SBF2: variants seen among roughly 807,000 people sequenced by gnomAD.
The protein encoded by SBF2 is myotubularin-related protein 13.
Under a neutral mutation model 225.2 loss-of-function variants are expected in SBF2, and 112 were observed. The observed-to-expected ratio is 0.50, with a 90% CI of 0.43 to 0.58. The LOEUF is 0.58. Ranked by LOEUF, SBF2 falls within the 20% of genes least tolerant of loss-of-function variation. SBF2 has a pLI of 0.00. For missense variants in SBF2, 1,996 were observed against 2,206.2 expected (o/e 0.90, Z 1.91); for synonymous variants, 763 against 773.3 (o/e 0.99, Z 0.22).
At chr11:10,196,239 T>C (rs1957350495) in intron 1 of SBF2, among the ~76,000 whole-genome samples, 1 of 152,228 alleles carries the variant, frequency 6.6e-6, no homozygotes, top group Non-Finnish European at 1.5e-5. Context: ...TGGTACTGAC[T>C]GAAATTGTTT....
intron 2 of SBF2, among the ~76,000 whole-genome samples, chr11:10,121,198 A>C (rs1953429457): frequency 6.6e-6 from 1 of 152,246 alleles, no homozygotes; most frequent in Non-Finnish European, 1.5e-5. Flanking sequence ...ACATCCAGTC[A>C]GAAATACGGG....
At chr11:9,905,436 C>T (rs974758090) in intron 16 of SBF2, among the ~76,000 whole-genome samples, 24 of 152,112 alleles carry the variant, frequency 1.6e-4, no homozygotes, top group African/African-American at 5.8e-4. Context: ...TCAGGATTTT[C>T]CTTTGAATAA....
At chr11:10,158,399 G>T (rs560516639) in intron 2 of SBF2, among the ~76,000 whole-genome samples, 1 of 152,152 alleles carries the variant, frequency 6.6e-6, no homozygotes, top group Admixed American at 6.5e-5. Context: ...CTAAGAGGTG[G>T]TTTTTTGAAA....
At chr11:10,173,625 G>C (rs1346134699) in intron 2 of SBF2, among the ~76,000 whole-genome samples, 3 of 152,196 alleles carry the variant, frequency 2.0e-5, no homozygotes, top group Non-Finnish European at 2.9e-5. Flanking sequence ...GGTAAACAAA[G>C]CAGCAGGGAA....
At chr11:10,270,985 ACT>A (rs1339063235) in intron 1 of SBF2, among the ~76,000 whole-genome samples, 3 of 119,714 alleles carry the variant, frequency 2.5e-5, no homozygotes, top group Non-Finnish European at 3.3e-5. Context: ...ACAGAGCAAG[ACT>A]CTGTCTCAAA....
Position 9,780,322 on chromosome 11 carries a change from A to G in SBF2, c.*96T>C. The stretch of plus-strand genomic sequence containing the variant: ...GCAGGAGAACCTCAGGCCCTGGGAT[A>G]ACTTGTTGTCAGCTCCTCAAGGATC... On this transcript the variant is annotated 3_prime_UTR_variant, in exon 40 of 40. Transcript: ENST00000256190. 1 of 1,065,688 alleles carries G rather than the reference A, an allele frequency of 9.4e-7. No homozygotes were observed. The highest frequency in any genetic ancestry group is 1.4e-6 in the Non-Finnish European group (1 of 707,170). The allele number at this position is 1,065,688 out of a possible 1,614,324, so 66.0% of individuals were successfully genotyped here. A position where few individuals can be genotyped will look rare whatever the true frequency, so the allele number is the denominator to read the frequency against.
intron 16 of SBF2, among the ~76,000 whole-genome samples, chr11:9,913,376 ACACAGC>A (rs1862808176): frequency 6.6e-6 from 1 of 152,368 alleles, no homozygotes; most frequent in South Asian, 2.1e-4. Flanking sequence ...AGATAGCATT[ACACAGC>A]CACCAGATTG....
chr11:10,110,902 C>A (rs893484829), intron 2 of SBF2, among the ~76,000 whole-genome samples: 2 of 151,922 alleles, frequency 1.3e-5, no homozygotes, highest in African/African-American at 4.8e-5. Context: ...ACAGATATAA[C>A]GATACTTATT....
intron 2 of SBF2, among the ~76,000 whole-genome samples, chr11:10,177,630 T>C (rs1242029766): frequency 6.6e-6 from 1 of 151,204 alleles, no homozygotes; most frequent in Non-Finnish European, 1.5e-5. Context: ...GAATCCAACT[T>C]ACAAGGGATG....
At chr11:10,257,847 A>G (rs1345346680) in intron 1 of SBF2, among the ~76,000 whole-genome samples, 1 of 151,306 alleles carries the variant, frequency 6.6e-6, no homozygotes, top group African/African-American at 2.4e-5. Context: ...AACTAGAAAA[A>G]TTAGCCAGGA....
At chr11:10,051,315 T>C (rs1950055215) in intron 2 of SBF2, among the ~76,000 whole-genome samples, 1 of 152,086 alleles carries the variant, frequency 6.6e-6, no homozygotes, top group East Asian at 1.9e-4. Flanking sequence ...AAAAAGAATG[T>C]GAGAGTTTAG....
At chr11:10,298,182 G>C (rs1358973178), upstream of SBF2, among the ~76,000 whole-genome samples, 1 of 152,188 alleles carries the variant, frequency 6.6e-6, no homozygotes, top group Non-Finnish European at 1.5e-5. Context: ...CCTAAGGTCA[G>C]GAGTTCAAGA....
At chr11:9,963,653 G>A (rs992444900) in intron 15 of SBF2, 120 bp downstream of exon 15, 1 of 646,724 alleles carries the variant, frequency 1.5e-6, no homozygotes, top group Non-Finnish European at 2.8e-6. Flanking sequence ...TCCAAACAAT[G>A]AGAGGATACT....
At position 9,838,804 on chromosome 11, in the gene SBF2, T is replaced by C. The variant is rs182946065; in HGVS notation, c.3455+694A>G. The C allele has an allele frequency of 3.3e-5, 5 of 152,248 alleles. No individual in the cohort carries two copies. The East Asian group carries it at 9.6e-4, about 29-fold the overall frequency. The allele number at this position is 152,248 out of a possible 1,614,324, so 9.4% of individuals were successfully genotyped here. On this transcript the variant is annotated intron_variant, in intron 26 of 39. Transcript: ENST00000256190. ...TGACTAAACTTGTGGATGGTGAAAA[T>C]GTAATTTTAGAAAATATATATTTAC... is the stretch of plus-strand genomic sequence containing the variant.
At chr11:10,244,482 T>C (rs151170873) in intron 1 of SBF2, among the ~76,000 whole-genome samples, 416 of 152,374 alleles carry the variant, frequency 2.7e-3, no homozygotes, top group Non-Finnish European at 4.2e-3. Context: ...ACAAGTCTGT[T>C]TGATACCAGT....
At chr11:9,803,856 TAGAA>T (rs1202284518) in intron 32 of SBF2, among the ~76,000 whole-genome samples, 1 of 151,802 alleles carries the variant, frequency 6.6e-6, no homozygotes, top group African/African-American at 2.4e-5. Flanking sequence ...AGATGGAAAA[TAGAA>T]GGAAGAATAG....
At chr11:10,136,267 G>C (rs1954348929) in intron 2 of SBF2, among the ~76,000 whole-genome samples, 1 of 152,088 alleles carries the variant, frequency 6.6e-6, no homozygotes, top group Non-Finnish European at 1.5e-5. Context: ...AATTCAAGGT[G>C]AGATTTGGAT....
chr11:9,802,885 T>C (rs1314024194), intron 32 of SBF2, among the ~76,000 whole-genome samples: 1 of 152,236 alleles, frequency 6.6e-6, no homozygotes, highest in African/African-American at 2.4e-5. Flanking sequence ...CTGATACCTC[T>C]GGTAGCCAAG....
At chr11:9,869,063 G>A (rs965965274) in intron 17 of SBF2, among the ~76,000 whole-genome samples, 2 of 152,110 alleles carry the variant, frequency 1.3e-5, no homozygotes, top group African/African-American at 4.8e-5. Flanking sequence ...ATCAACTGTT[G>A]GTGAACCACA....
Sources: allele counts gnomAD v4.1 joint callset (sites outside exome capture counted in the v4.1 genomes callset), GRCh38; gene constraint gnomAD v4.1.1; transcripts MANE v1.5; gene names NCBI Gene and HGNC (gene_info 2026-07-23, HGNC 2026-07-21).